NAA15: variants seen among roughly 807,000 people sequenced by gnomAD.
The protein encoded by NAA15 is N-terminal acetyltransferase.
NAA15 carries 34 observed loss-of-function variants against 114.0 expected under a neutral mutation model. The observed-to-expected ratio is 0.30, with a 90% CI of 0.23 to 0.40. The LOEUF (loss-of-function observed/expected upper bound fraction) is 0.40, where lower values mean the gene tolerates loss of function less well. Ranked by LOEUF, NAA15 falls within the 10% of genes least tolerant of loss-of-function variation. The pLI is 1.00. For missense variants in NAA15, 658 were observed against 1,004.5 expected, an observed-to-expected ratio of 0.66 and a Z score of 4.66; for synonymous variants, 340 against 338.0, an observed-to-expected ratio of 1.01 and a Z score of -0.06.
intron 1 of NAA15, among the ~76,000 whole-genome samples, chr4:139,323,340 T>C (rs10007468): frequency 0.54 from 81,879 of 152,104 alleles, 24,328 homozygotes; most frequent in African/African-American, 0.81. Context: ...ATTACAGGCA[T>C]GTGCCACTAT....
At chr4:139,346,688 AG>A (rs1747594797) in intron 6 of NAA15, among the ~76,000 whole-genome samples, 1 of 151,996 alleles carries the variant, frequency 6.6e-6, no homozygotes, top group Non-Finnish European at 1.5e-5. Flanking sequence ...GTGGGATTAT[AG>A]GCATGTGCCA....
At chr4:139,373,681 AT>A (rs1748503119) in intron 15 of NAA15, among the ~76,000 whole-genome samples, 1 of 147,908 alleles carries the variant, frequency 6.8e-6, no homozygotes. Flanking sequence ...TTCACTCAGC[AT>A]TTTGTTGGTT....
intron 14 of NAA15, among the ~76,000 whole-genome samples, chr4:139,368,014 C>A (rs974616673): frequency 6.7e-6 from 1 of 148,506 alleles, no homozygotes; most frequent in Non-Finnish European, 1.5e-5. Context: ...GCTCTTCAAA[C>A]TTCCACTAAA....
At chr4:139,307,604 A>C (rs1156305313) in intron 1 of NAA15, among the ~76,000 whole-genome samples, 1 of 152,244 alleles carries the variant, frequency 6.6e-6, no homozygotes, top group Non-Finnish European at 1.5e-5. Context: ...AAATATGGCT[A>C]GTGCAACTGA....
chr4:139,314,667 C>T (rs1746322275), intron 1 of NAA15, among the ~76,000 whole-genome samples: 1 of 151,846 alleles, frequency 6.6e-6, no homozygotes, highest in African/African-American at 2.4e-5. Flanking sequence ...CATCTTCCAA[C>T]TGTTTCTTTG....
Position 139,342,856 on chromosome 4 carries a change from C to G in NAA15, c.433C>G (p.Pro145Ala). 6.2e-7 allele frequency: 1 copy of G among 1,613,086 alleles called. No homozygotes were observed. The highest frequency in any genetic ancestry group is 2.2e-5 in the East Asian group (1 of 44,852). Reference protein sequence around the residue: ...ETRYQLLQLRPAQRASWIGYA... With the variant: ...ETRYQLLQLRAAQRASWIGYA... The stretch of plus-strand genomic sequence containing the variant: ...GAGGTATCAGTTACTTCAGCTTCGA[C>G]CTGCGCAGAGAGCATCATGGATTGG... The change falls in exon 5 of 20, where the codon CCT (proline) becomes GCT (alanine). Residue 145 changes from proline to alanine, a missense_variant. Pro to Ala is a conservative substitution (Grantham distance 27). This residue lies in a region of NAA15 where 75 missense variants were observed against 172.3 expected (regional missense o/e 0.44). Transcript: ENST00000296543.
intron 15 of NAA15, among the ~76,000 whole-genome samples, chr4:139,375,571 A>G (rs1324586820): frequency 3.9e-5 from 6 of 152,048 alleles, no homozygotes; most frequent in Admixed American, 3.9e-4. Flanking sequence ...TGGCAAATTC[A>G]TTTTCCATTA....
intron 1 of NAA15, among the ~76,000 whole-genome samples, chr4:139,314,994 A>AGGTGAGGTGAGGTTAG (rs1560952684): frequency 1.7e-5 from 1 of 59,938 alleles, no homozygotes; most frequent in African/African-American, 8.7e-5. Flanking sequence ...CGTTCAGTTC[A>AGGTGAGGTGAGGTTAG]GTTCAGTTTA....
At chr4:139,381,821 A>C (rs966606595) in intron 17 of NAA15, among the ~76,000 whole-genome samples, 1 of 152,260 alleles carries the variant, frequency 6.6e-6, no homozygotes, top group South Asian at 2.1e-4. Context: ...CATTCTGTTA[A>C]TAAGCTAATA....
chr4:139,363,099 T>G (rs1023575011), intron 14 of NAA15, among the ~76,000 whole-genome samples: 3 of 152,196 alleles, frequency 2.0e-5, no homozygotes, highest in African/African-American at 7.2e-5. Flanking sequence ...CCTGTTGGTG[T>G]TGCTTCAACT....
At chr4:139,380,463 A>G (rs1159884960) in intron 17 of NAA15, among the ~76,000 whole-genome samples, 1 of 152,202 alleles carries the variant, frequency 6.6e-6, no homozygotes, top group Non-Finnish European at 1.5e-5. Flanking sequence ...TTTGAGTTAG[A>G]TACTTTCTTT....
At chr4:139,375,442 G>GCTTTT (rs377281694) in intron 15 of NAA15, among the ~76,000 whole-genome samples, 387 of 147,326 alleles carry the variant, frequency 2.6e-3, no homozygotes, top group Middle Eastern at 0.01. Flanking sequence ...TCACTTCACT[G>GCTTTT]CTTTTCTTTT....
At chr4:139,319,273 A>G (rs1746521142) in intron 1 of NAA15, among the ~76,000 whole-genome samples, 1 of 152,012 alleles carries the variant, frequency 6.6e-6, no homozygotes, top group African/African-American at 2.4e-5. Context: ...CAGCCTGGCT[A>G]AATTTTGTAT....
chr4:139,304,870 T>TC (rs1343370641), intron 1 of NAA15, among the ~76,000 whole-genome samples: 1 of 152,092 alleles, frequency 6.6e-6, no homozygotes, highest in Non-Finnish European at 1.5e-5. Flanking sequence ...CGCTGCAGGC[T>TC]CCAGCAACCG....
intron 7 of NAA15, among the ~76,000 whole-genome samples, chr4:139,350,800 T>G (rs1747754122): frequency 6.6e-6 from 1 of 152,160 alleles, no homozygotes; most frequent in Non-Finnish European, 1.5e-5. Context: ...ATGAAAAACC[T>G]ACTTACTAAA....
At chr4:139,348,584 A>G (rs1747678602) in intron 6 of NAA15, among the ~76,000 whole-genome samples, 1 of 152,278 alleles carries the variant, frequency 6.6e-6, no homozygotes, top group Non-Finnish European at 1.5e-5. Flanking sequence ...TAAAAATAAT[A>G]CCTTGGATGA....
At chr4:139,304,263 G>A (rs1288044713) in intron 1 of NAA15, among the ~76,000 whole-genome samples, 1 of 152,242 alleles carries the variant, frequency 6.6e-6, no homozygotes, top group Non-Finnish European at 1.5e-5. Context: ...ATTTTGAGAA[G>A]ACTGTAATAA....
chr4:139,318,768 T>C (rs571452576), intron 1 of NAA15, among the ~76,000 whole-genome samples: 9 of 151,666 alleles, frequency 5.9e-5, no homozygotes, highest in African/African-American at 2.2e-4. Context: ...GCAAGAGAAT[T>C]GCTTAAACCC....
At chr4:139,308,969 A>G (rs1746122325) in intron 1 of NAA15, among the ~76,000 whole-genome samples, 1 of 152,168 alleles carries the variant, frequency 6.6e-6, no homozygotes, top group East Asian at 1.9e-4. Context: ...TATACCAGAA[A>G]ACAAAATGCA....
Sources: allele counts gnomAD v4.1 joint callset (sites outside exome capture counted in the v4.1 genomes callset), GRCh38; gene constraint gnomAD v4.1.1; regional missense constraint gnomAD v4.1.1; transcripts MANE v1.5; gene names NCBI Gene and HGNC (gene_info 2026-07-23, HGNC 2026-07-21).